The following RPA3 variants were observed in gnomAD, a reference collection of about 807,000 sequenced individuals.
RPA3 encodes replication protein A 14 kDa subunit.
A neutral mutation model predicts 13.7 loss-of-function variants in RPA3; 24 were observed. The ratio of observed to expected loss-of-function variants is 1.75; its 90% CI spans 1.27 to 2.46. The LOEUF is 2.46. RPA3 is among the 30% of genes most tolerant of loss of function. The pLI is 0.00. For synonymous variants in RPA3, 59 were observed against 51.2 expected, an observed-to-expected ratio of 1.15 and a Z score of -0.65; for missense variants, 183 against 151.0, an observed-to-expected ratio of 1.21 and a Z score of -1.11.
At chr7:7,699,530 G>A (rs1780406135) in intron 2 of RPA3, among the ~76,000 whole-genome samples, 1 of 152,198 alleles carries the variant, frequency 6.6e-6, no homozygotes, top group African/African-American at 2.4e-5. Context: ...TTTCACTTTA[G>A]AAACTGCTAG....
intron 4 of RPA3, chr7:7,676,242 C>G (rs1239904242): frequency 7.5e-6 from 3 of 398,362 alleles, no homozygotes; most frequent in Non-Finnish European, 1.3e-5. Context: ...CTTAGCATAT[C>G]TAGGAAATGA....
chr7:7,640,131 C>T lies in RPA3; in HGVS notation c.99+189G>A, dbSNP rs922569016. The T allele has an allele frequency of 1.3e-5, 8 of 618,474 alleles. No homozygotes were observed. In the African/African-American group the frequency reaches 1.5e-4, roughly 11 times the overall value. 38.3% of individuals were successfully genotyped at this position (618,474 alleles called of 1,614,324 possible). A position where few individuals can be genotyped will look rare whatever the true frequency, so the allele number is the denominator to read the frequency against. ...TCAGCATTTGAAAACACTTTGTTTC[C>T]GTGCCATAAAAGAGCGCCAAAATGG... On this transcript the variant is annotated intron_variant, in intron 5 of 7. Transcript: ENST00000223129.
chr7:7,688,960 A>G (rs1780105635), intron 2 of RPA3, among the ~76,000 whole-genome samples: 1 of 152,208 alleles, frequency 6.6e-6, no homozygotes, highest in African/African-American at 2.4e-5. Context: ...TTTAAATTAT[A>G]CTTACTTTAT....
chr7:7,669,375 C>G (rs193276262), intron 4 of RPA3, among the ~76,000 whole-genome samples: 1 of 152,264 alleles, frequency 6.6e-6, no homozygotes, highest in East Asian at 1.9e-4. Flanking sequence ...TCTTGCTGTA[C>G]CCCTCATAGA....
intron 2 of RPA3, among the ~76,000 whole-genome samples, chr7:7,697,044 A>G (rs1044556356): frequency 1.4e-4 from 22 of 152,284 alleles, no homozygotes; most frequent in Admixed American, 6.5e-4. Context: ...TACACATGCC[A>G]AGCAGTCAGC....
At chr7:7,671,973 G>A (rs1219797775) in intron 4 of RPA3, among the ~76,000 whole-genome samples, 1 of 151,940 alleles carries the variant, frequency 6.6e-6, no homozygotes, top group African/African-American at 2.4e-5. Flanking sequence ...ATGTTTTCTA[G>A]CAACCAATAG....
At chr7:7,643,092 G>C (rs1785011966) in intron 4 of RPA3, among the ~76,000 whole-genome samples, 1 of 152,134 alleles carries the variant, frequency 6.6e-6, no homozygotes, top group African/African-American at 2.4e-5. Flanking sequence ...TTGGGGGATG[G>C]TTTGGCAATT....
intron 2 of RPA3, among the ~76,000 whole-genome samples, chr7:7,698,564 T>C (rs1161556791): frequency 1.3e-5 from 2 of 152,212 alleles, no homozygotes; most frequent in African/African-American, 4.8e-5. Context: ...TTCTTTTTTT[T>C]TGTAGTATTT....
At chr7:7,681,258 C>G (rs1044113976) in intron 4 of RPA3, among the ~76,000 whole-genome samples, 2 of 152,086 alleles carry the variant, frequency 1.3e-5, no homozygotes, top group Non-Finnish European at 2.9e-5. Context: ...AATACCTTTT[C>G]CCCTAGGCAA....
At chr7:7,663,258 A>T (rs10227236) in intron 4 of RPA3, among the ~76,000 whole-genome samples, 96,762 of 151,256 alleles carry the variant, frequency 0.64, 31,385 homozygotes, top group East Asian at 0.86. Context: ...GTTTGAAGCA[A>T]ACACCTAAAT....
chr7:7,686,714 C>T (rs1313873059), intron 3 of RPA3, among the ~76,000 whole-genome samples: 2 of 152,192 alleles, frequency 1.3e-5, no homozygotes, highest in Non-Finnish European at 1.5e-5. Flanking sequence ...ATGGGGCAGA[C>T]ACTACTAGTC....
At chr7:7,648,187 A>T (rs1668333505) in intron 4 of RPA3, among the ~76,000 whole-genome samples, 1 of 152,190 alleles carries the variant, frequency 6.6e-6, no homozygotes, top group African/African-American at 2.4e-5. Context: ...GGAGATTTCC[A>T]TTAGGACTTA....
At chr7:7,678,233 T>C (rs1301868593) in intron 4 of RPA3, among the ~76,000 whole-genome samples, 1 of 146,606 alleles carries the variant, frequency 6.8e-6, no homozygotes, top group African/African-American at 2.5e-5. Flanking sequence ...TTTCTACACA[T>C]CCTTGCCAGC....
intron 4 of RPA3, among the ~76,000 whole-genome samples, chr7:7,667,227 G>A (rs1433661134): frequency 6.6e-6 from 1 of 152,144 alleles, no homozygotes; most frequent in Non-Finnish European, 1.5e-5. Context: ...GCTAATAATG[G>A]GTTTTTGAGA....
At chr7:7,663,430 C>T (rs1287849818) in intron 4 of RPA3, among the ~76,000 whole-genome samples, 1 of 152,114 alleles carries the variant, frequency 6.6e-6, no homozygotes, top group Non-Finnish European at 1.5e-5. Context: ...TCTTCTCTTG[C>T]TTATCCTCTC....
Position 7,639,203 on chromosome 7 carries a change from A to C in RPA3, c.100-59T>G, listed in dbSNP as rs533122845. The C allele has an allele frequency of 2.3e-6, 3 of 1,304,616 alleles. No homozygotes were observed. In the African/African-American group the frequency reaches 4.4e-5, roughly 19 times the overall value. 80.8% of individuals were successfully genotyped at this position (1,304,616 alleles called of 1,614,324 possible). On this transcript the variant is annotated intron_variant, in intron 5 of 7. Coordinates refer to ENST00000223129, the MANE Select transcript of RPA3 (RefSeq NM_002947.5). Reference sequence around the variant, plus strand: ...AAACAACAACAAAGTTTGACTAAAGATGAGTACATTGATCCTTAGTTGAGC... The same window carrying C: ...AAACAACAACAAAGTTTGACTAAAGCTGAGTACATTGATCCTTAGTTGAGC...
chr7:7,647,386 G>T (rs7794467), intron 4 of RPA3, among the ~76,000 whole-genome samples: 7 of 152,066 alleles, frequency 4.6e-5, no homozygotes, highest in Non-Finnish European at 8.8e-5. Flanking sequence ...AATTATGTGA[G>T]GCTTGCTTTA....
chr7:7,712,835 T>C (rs959632427), intron 2 of RPA3, among the ~76,000 whole-genome samples: 1 of 152,182 alleles, frequency 6.6e-6, no homozygotes, highest in Admixed American at 6.5e-5. Context: ...CCTGGTTGGC[T>C]AAAGGCTTAT....
chr7:7,648,489 GTA>G (rs1334866110), intron 4 of RPA3, among the ~76,000 whole-genome samples: 5 of 152,130 alleles, frequency 3.3e-5, no homozygotes, highest in African/African-American at 1.2e-4. Context: ...GGCTACTGAT[GTA>G]TTATGATTTG....
Sources: gnomAD v4.1 joint callset for allele counts (sites outside exome capture counted in the v4.1 genomes callset) on GRCh38, gnomAD v4.1.1 for gene constraint, MANE v1.5 for transcripts, NCBI Gene and HGNC (gene_info 2026-07-23, HGNC 2026-07-21) for gene names.